Variants in LCOR observed in about 807,000 individuals in gnomAD.
LCOR encodes the protein ligand-dependent corepressor.
LCOR carries 14 observed loss-of-function variants against 64.4 expected under a neutral mutation model. The observed-to-expected ratio is 0.22, with a 90% CI of 0.14 to 0.34. LCOR has a LOEUF of 0.34. Ranked by LOEUF, LCOR falls within the 10% of genes least tolerant of loss-of-function variation. The pLI is 1.00. For missense variants in LCOR, 1,686 were observed against 1,765.3 expected, an observed-to-expected ratio of 0.96 and a Z score of 0.80; for synonymous variants, 643 against 642.5, an observed-to-expected ratio of 1.00 and a Z score of -0.01.
intron 2 of LCOR, among the ~76,000 whole-genome samples, chr10:96,868,085 T>G (rs1377380409): frequency 1.3e-5 from 2 of 151,724 alleles, no homozygotes; most frequent in Non-Finnish European, 2.9e-5. Flanking sequence ...AGTTTCTCCA[T>G]GTTTGTCAGG....
At chr10:96,980,406 A>G (rs1848073831) in intron 7 of LCOR, among the ~76,000 whole-genome samples, 1 of 152,226 alleles carries the variant, frequency 6.6e-6, no homozygotes, top group African/African-American at 2.4e-5. Context: ...TTTTTGAATG[A>G]TTACTTTTAA....
At chr10:96,968,196 T>G (rs189236900) in intron 7 of LCOR, among the ~76,000 whole-genome samples, 3 of 152,322 alleles carry the variant, frequency 2.0e-5, no homozygotes, top group Non-Finnish European at 2.9e-5. Context: ...GTTGATCCCA[T>G]TCTACTTTTT....
chr10:96,880,655 C>T (rs1846247450), intron 2 of LCOR, among the ~76,000 whole-genome samples: 1 of 152,246 alleles, frequency 6.6e-6, no homozygotes, highest in East Asian at 1.9e-4. Context: ...ACCTCAGTCT[C>T]CCAAATTGTT....
At chr10:96,940,118 A>G (rs913358245) in intron 4 of LCOR, among the ~76,000 whole-genome samples, 8 of 152,224 alleles carry the variant, frequency 5.3e-5, no homozygotes. Context: ...TAAAATGGGT[A>G]TAATAAAAAA....
Position 96,982,396 on chromosome 10 carries a change from TCTC to T in LCOR, c.1939_1941del (p.Pro647del), listed in dbSNP as rs878915612. 1.2e-6 allele frequency: 2 copies of T among 1,614,036 alleles called. No homozygotes were observed. The highest frequency in any genetic ancestry group is 1.1e-5 in the South Asian group (1 of 91,090). Reference sequence around the variant, plus strand: ...AGCTCCCACAGCAAGTGGGATGTCTTCTCCTGAACACAACCAACCACCAGTTGC... The same window carrying T: ...AGCTCCCACAGCAAGTGGGATGTCTTCTGAACACAACCAACCACCAGTTGC... On this transcript the variant is annotated inframe_deletion, in exon 8 of 8. Transcript: ENST00000421806.
chr10:96,940,365 G>C (rs367633110), intron 4 of LCOR, among the ~76,000 whole-genome samples: 2 of 122,692 alleles, frequency 1.6e-5, no homozygotes, highest in Admixed American at 8.2e-5. Flanking sequence ...TCTCGCAGAG[G>C]GGGATTTGGC....
chr10:96,946,752 A>G (rs1342878485), intron 5 of LCOR, among the ~76,000 whole-genome samples: 1 of 152,112 alleles, frequency 6.6e-6, no homozygotes, highest in Non-Finnish European at 1.5e-5. Context: ...TCATTCAATA[A>G]AGAGACAAGA....
intron 2 of LCOR, among the ~76,000 whole-genome samples, chr10:96,888,836 C>G (rs886960448): frequency 6.6e-6 from 1 of 152,154 alleles, no homozygotes; most frequent in African/African-American, 2.4e-5. Context: ...CCACCCAAAA[C>G]CTCTGGCAGC....
chr10:96,851,735 C>G (rs1046131102), intron 2 of LCOR, among the ~76,000 whole-genome samples: 1 of 151,250 alleles, frequency 6.6e-6, no homozygotes, highest in African/African-American at 2.5e-5. Context: ...TTTCTTTTCA[C>G]CCCCCAAAAT....
intron 2 of LCOR, among the ~76,000 whole-genome samples, chr10:96,841,008 GT>G (rs1845530429): frequency 6.6e-6 from 1 of 152,152 alleles, no homozygotes; most frequent in Non-Finnish European, 1.5e-5. Context: ...GCTGTGTGTG[GT>G]TTTGTGTACC....
At chr10:96,964,825 C>T (rs981391505) in intron 7 of LCOR, among the ~76,000 whole-genome samples, 1 of 151,908 alleles carries the variant, frequency 6.6e-6, no homozygotes, top group Non-Finnish European at 1.5e-5. Flanking sequence ...AACTTAATGC[C>T]GGGATTCCTT....
intron 4 of LCOR, among the ~76,000 whole-genome samples, chr10:96,920,489 T>TATATATGTGTATATATATGTATATTCAG (rs1847037678): frequency 2.7e-5 from 2 of 74,436 alleles, no homozygotes; most frequent in East Asian, 2.9e-4. Flanking sequence ...TGTATATTCA[T>TATATATGTGTATATATATGTATATTCAG]ATATATGTGT....
Position 96,981,705 on chromosome 10 carries a change from G to A in LCOR, c.1245G>A (p.Gln415=). ...GYHLHPSDKG[Q]FDHSKDGWLG... is the part of the protein sequence containing the mutation. Reference sequence around the variant, plus strand: ...ATTTACATCCCAGTGATAAGGGCCAGTTTGATCATTCCAAAGATGGTTGGT... The same window carrying A: ...ATTTACATCCCAGTGATAAGGGCCAATTTGATCATTCCAAAGATGGTTGGT... The change falls in exon 8 of 8, where the codon CAG becomes CAA. Residue 415 remains glutamine, a synonymous_variant. Coordinates refer to ENST00000421806, the MANE Select transcript of LCOR (RefSeq NM_001346516.2). The A allele has an allele frequency of 1.2e-6, 2 of 1,614,234 alleles. No homozygotes were observed. Among genetic ancestry groups the A allele is most frequent in the South Asian group, 1.1e-5 (1 of 91,076 alleles).
At chr10:96,909,353 T>C (rs1177372872) in intron 4 of LCOR, among the ~76,000 whole-genome samples, 2 of 152,246 alleles carry the variant, frequency 1.3e-5, no homozygotes, top group African/African-American at 4.8e-5. Flanking sequence ...AACTAAGCTA[T>C]TTCTCTATAG....
At chr10:96,920,706 G>GTGTATATATGTATATATGTTCATATATA (rs1564626436) in intron 4 of LCOR, among the ~76,000 whole-genome samples, 1,416 of 133,200 alleles carry the variant, frequency 0.011, 105 homozygotes, top group African/African-American at 0.045. Context: ...GTTCATATAT[G>GTGTATATATGTATATATGTTCATATATA]TGTGTATATA....
At chr10:96,902,363 T>C in intron 2 of LCOR, among the ~76,000 whole-genome samples, 1 of 152,176 alleles carries the variant, frequency 6.6e-6, no homozygotes, top group East Asian at 1.9e-4. Context: ...TAGTGCATCA[T>C]CTGGGAGAAT....
chr10:96,993,206 C>G lies in LCOR; in HGVS notation c.*8072C>G, dbSNP rs1411753204. On this transcript the variant is annotated 3_prime_UTR_variant, in exon 8 of 8. Transcript: ENST00000421806. ...ACTGAGAATTGCAACTCCAGGACAG[C>G]AGGGAGCTTTGGGACTAGGCACGCA... is the stretch of plus-strand genomic sequence containing the variant. 6.6e-6 allele frequency: 1 copy of G among 152,214 alleles called. No homozygotes were observed. Among genetic ancestry groups the G allele is most frequent in the African/African-American group, 2.4e-5 (1 of 41,444 alleles). 9.4% of individuals were successfully genotyped at this position (152,214 alleles called of 1,614,324 possible).
intron 7 of LCOR, among the ~76,000 whole-genome samples, chr10:96,972,751 G>A (rs10437452): frequency 0.14 from 20,964 of 152,134 alleles, 1,975 homozygotes; most frequent in African/African-American, 0.26. Context: ...ATGCAGAAAG[G>A]TAGCAAACTA....
At position 96,857,846 on chromosome 10, in the gene LCOR, T is replaced by C. The variant is rs117894870; in HGVS notation, c.-330+24367T>C. Among the ~76,000 whole-genome samples the C allele has an allele frequency of 1.6e-3, 237 of 152,304 alleles. 8 individuals are homozygous for C. In the East Asian group the frequency reaches 0.042, roughly 27 times the overall value. On this transcript the variant is annotated intron_variant, in intron 2 of 7. Transcript: ENST00000421806. Reference sequence around the variant, plus strand: ...AACCAGCATGCAAGATTCTCCAAGATATCTGATCCCAGGCTATTGCTTCAG... The same window carrying C: ...AACCAGCATGCAAGATTCTCCAAGACATCTGATCCCAGGCTATTGCTTCAG...
Sources: gnomAD v4.1 joint callset for allele counts (sites outside exome capture counted in the v4.1 genomes callset) on GRCh38, gnomAD v4.1.1 for gene constraint, MANE v1.5 for transcripts, NCBI Gene and HGNC (gene_info 2026-07-23, HGNC 2026-07-21) for gene names.